The following RGS9 variants were observed in gnomAD, a reference collection of about 807,000 sequenced individuals.
RGS9 encodes the protein regulator of G-protein signalling 9.
RGS9 carries 78 observed loss-of-function variants against 102.0 expected under a neutral mutation model. The observed-to-expected ratio is 0.76, with a 90% CI of 0.64 to 0.92. The LOEUF is 0.92. Ranked by LOEUF, RGS9 falls within the 40% of genes least tolerant of loss-of-function variation. RGS9 has a pLI of 0.00. For synonymous variants in RGS9, 353 were observed against 318.6 expected (o/e 1.11, Z -1.15); for missense variants, 833 against 866.1 (o/e 0.96, Z 0.48).
chr17:65,205,301 T>C (rs1410410846), intron 15 of RGS9, among the ~76,000 whole-genome samples: 6 of 151,804 alleles, frequency 4.0e-5, no homozygotes, highest in South Asian at 4.1e-4. Flanking sequence ...CAAAGTATCT[T>C]TATAGGATAT....
intron 1 of RGS9, among the ~76,000 whole-genome samples, chr17:65,138,103 T>C (rs2143937863): frequency 6.6e-6 from 1 of 152,336 alleles, no homozygotes; most frequent in East Asian, 1.9e-4. Context: ...TCCTGCTGTC[T>C]GCGCTGGCGG....
intron 9 of RGS9, among the ~76,000 whole-genome samples, chr17:65,187,949 T>C (rs2144058782): frequency 6.6e-6 from 1 of 152,102 alleles, no homozygotes; most frequent in East Asian, 1.9e-4. Flanking sequence ...TAAACTGAGA[T>C]CACACCATGC....
At chr17:65,222,147 G>C (rs1364365898) in intron 17 of RGS9, among the ~76,000 whole-genome samples, 1 of 152,248 alleles carries the variant, frequency 6.6e-6, no homozygotes. Flanking sequence ...CTGGCCATCA[G>C]CTGGGAGCTG....
chr17:65,177,204 AC>A (rs1240760398), intron 8 of RGS9, among the ~76,000 whole-genome samples: 1 of 148,342 alleles, frequency 6.7e-6, no homozygotes, highest in Non-Finnish European at 1.5e-5. Flanking sequence ...TTATTCACCC[AC>A]CCACCATCCA....
chr17:65,140,209 T>C (rs2143943992), intron 1 of RGS9, among the ~76,000 whole-genome samples: 1 of 152,312 alleles, frequency 6.6e-6, no homozygotes, highest in South Asian at 2.1e-4. Flanking sequence ...TCACAAGTTG[T>C]GGTGCAATGC....
chr17:65,177,841 C>A (rs11651062), intron 9 of RGS9, 38 bp downstream of exon 9: 1 of 1,565,304 alleles, frequency 6.4e-7, no homozygotes, highest in African/African-American at 1.4e-5. Context: ...GGGCCTAGGT[C>A]GGATTCTGGG....
At chr17:65,159,583 G>A (rs576249731) in intron 3 of RGS9, among the ~76,000 whole-genome samples, 1 of 152,250 alleles carries the variant, frequency 6.6e-6, no homozygotes, top group South Asian at 2.1e-4. Flanking sequence ...CAGGAATGGA[G>A]GGATGGAATC....
At chr17:65,207,878 G>A (rs1913128475) in intron 15 of RGS9, 44 bp from the exon 16 acceptor site, 2 of 1,433,148 alleles carry the variant, frequency 1.4e-6, no homozygotes, top group East Asian at 4.6e-5. Context: ...TGATTTGACT[G>A]CTTTTTTCTC....
chr17:65,186,131 C>A (rs554222283), intron 9 of RGS9, among the ~76,000 whole-genome samples: 1 of 151,802 alleles, frequency 6.6e-6, no homozygotes, highest in Non-Finnish European at 1.5e-5. Flanking sequence ...TTTTGTCTTG[C>A]GTTACGGCTC....
intron 17 of RGS9, 61 bp downstream of exon 17, chr17:65,210,666 T>C: frequency 6.2e-7 from 1 of 1,605,514 alleles, no homozygotes; most frequent in Non-Finnish European, 8.5e-7. Flanking sequence ...TAAATAAATC[T>C]GTGATTCCTG....
chr17:65,175,374 G>A (rs1365903635), intron 8 of RGS9, among the ~76,000 whole-genome samples: 1 of 152,078 alleles, frequency 6.6e-6, no homozygotes, highest in Non-Finnish European at 1.5e-5. Flanking sequence ...GATTCAGGGG[G>A]CAACTCCTAG....
chr17:65,155,761 G>A (rs771258927), intron 2 of RGS9, among the ~76,000 whole-genome samples: 4 of 152,172 alleles, frequency 2.6e-5, no homozygotes, highest in Non-Finnish European at 5.9e-5. Flanking sequence ...AACGAGTGCA[G>A]GAAGGAAGTG....
chr17:65,217,035 AG>A (rs1345596826), intron 17 of RGS9, among the ~76,000 whole-genome samples: 16 of 152,028 alleles, frequency 1.1e-4, no homozygotes, highest in Middle Eastern at 3.4e-3. Flanking sequence ...CACATTTTAA[AG>A]GTGTAAGAGG....
chr17:65,204,281 A>G lies in RGS9; in HGVS notation c.1183A>G (p.Ile395Val). Residue 395 changes from isoleucine (I) to valine (V), a missense_variant, in exon 15 of 19, where the codon ATT becomes GTT. Ile to Val is a conservative substitution (Grantham distance 29). Transcript: ENST00000262406. ...RYVLDAAQTH[I>V]YMLMKKDSYA... ...TGTGCTGGACGCCGCACAAACCCAC[A>G]TTTACATGCTCATGAAGAAGGTAGG... is the stretch of plus-strand genomic sequence containing the variant. 3 of 1,613,828 alleles carry G rather than the reference A, an allele frequency of 1.9e-6. No homozygotes were observed. Among genetic ancestry groups the G allele is most frequent in the Non-Finnish European group, 2.5e-6 (3 of 1,180,022 alleles).
At chr17:65,168,536 G>C (rs977281700) in intron 8 of RGS9, among the ~76,000 whole-genome samples, 1 of 149,552 alleles carries the variant, frequency 6.7e-6, no homozygotes, top group African/African-American at 2.5e-5. Flanking sequence ...TCTTTTACGA[G>C]GGCTGGGACT....
chr17:65,172,724 G>A (rs916296273), intron 8 of RGS9, among the ~76,000 whole-genome samples: 3 of 151,996 alleles, frequency 2.0e-5, no homozygotes, highest in Non-Finnish European at 4.4e-5. Context: ...TTAAACCAAT[G>A]AATGAGTAAC....
intron 8 of RGS9, 37 bp from the exon 9 acceptor site, chr17:65,177,695 C>G (rs1383148896): frequency 1.3e-6 from 2 of 1,583,944 alleles, no homozygotes; most frequent in Non-Finnish European, 1.7e-6. Context: ...TGGAGACTCT[C>G]CCTGTAATGA....
chr17:65,153,628 A>T lies in RGS9; in HGVS notation c.154+110A>T, dbSNP rs1910664459. On this transcript the variant is annotated intron_variant, in intron 2 of 18. Coordinates refer to ENST00000262406, the MANE Select transcript of RGS9 (RefSeq NM_003835.4). ...TATTTTTGGCCAGGTGCAGTGGCTC[A>T]CGCCTGTAATCCCAGCACTTTGGGA... The T allele has an allele frequency of 5.8e-6, 5 of 868,020 alleles. No individual in the cohort carries two copies. The Admixed American group carries it at 9.3e-5, about 16-fold the overall frequency. 53.8% of individuals were successfully genotyped at this position (868,020 alleles called of 1,614,324 possible). A position where few individuals can be genotyped will look rare whatever the true frequency, so the allele number is the denominator to read the frequency against.
intron 1 of RGS9, among the ~76,000 whole-genome samples, chr17:65,152,138 G>A (rs144521806): frequency 0.012 from 1,780 of 152,280 alleles, 25 homozygotes; most frequent in African/African-American, 0.04. Context: ...GGTCAGGGTG[G>A]GCCTCCTGAG....
Sources: allele counts gnomAD v4.1 joint callset (sites outside exome capture counted in the v4.1 genomes callset), GRCh38; gene constraint gnomAD v4.1.1; transcripts MANE v1.5; gene names NCBI Gene and HGNC (gene_info 2026-07-23, HGNC 2026-07-21).